BNC2: variants seen among roughly 807,000 people sequenced by gnomAD.
BNC2 encodes zinc finger protein basonuclin-2.
Under a neutral mutation model 76.3 loss-of-function variants are expected in BNC2, and 20 were observed. The observed-to-expected ratio is 0.26, with a 90% CI of 0.18 to 0.38. The LOEUF is 0.38. Ranked by LOEUF, BNC2 falls within the 10% of genes least tolerant of loss-of-function variation. The pLI is 1.00. For missense variants in BNC2, 1,382 were observed against 1,399.8 expected (o/e 0.99, Z 0.20); for synonymous variants, 582 against 514.8 (o/e 1.13, Z -1.77).
chr9:16,591,773 T>C (rs1819936327), intron 3 of BNC2, among the ~76,000 whole-genome samples: 1 of 152,144 alleles, frequency 6.6e-6, no homozygotes, highest in African/African-American at 2.4e-5. Flanking sequence ...TGATGGAAAA[T>C]TATACCTAAA....
chr9:16,462,844 T>A (rs1187351120), intron 5 of BNC2, among the ~76,000 whole-genome samples: 1 of 152,186 alleles, frequency 6.6e-6, no homozygotes. Flanking sequence ...TTATTTAATA[T>A]TATGTCTCTT....
At chr9:16,705,988 T>C (rs1249911559) in intron 3 of BNC2, among the ~76,000 whole-genome samples, 1 of 149,574 alleles carries the variant, frequency 6.7e-6, no homozygotes, top group Non-Finnish European at 1.5e-5. Flanking sequence ...TTATTGCTTG[T>C]GCAGAGAGTT....
chr9:16,451,766 C>T (rs952380015), intron 5 of BNC2, among the ~76,000 whole-genome samples: 1 of 152,200 alleles, frequency 6.6e-6, no homozygotes, highest in African/African-American at 2.4e-5. Flanking sequence ...CAGTGATCTG[C>T]TTATATTTCA....
intron 1 of BNC2, among the ~76,000 whole-genome samples, chr9:16,801,120 A>C (rs868753388): frequency 6.6e-6 from 1 of 152,186 alleles, no homozygotes; most frequent in Non-Finnish European, 1.5e-5. Flanking sequence ...TATATCCCCT[A>C]CACAATTCTC....
intron 1 of BNC2, among the ~76,000 whole-genome samples, chr9:16,780,953 G>T (rs909111536): frequency 1.3e-5 from 2 of 151,760 alleles, no homozygotes; most frequent in African/African-American, 4.8e-5. Context: ...TAACCAAAAA[G>T]AGTACTTAAT....
chr9:16,563,253 G>A (rs1819067957), intron 4 of BNC2, among the ~76,000 whole-genome samples: 1 of 152,102 alleles, frequency 6.6e-6, no homozygotes, highest in Admixed American at 6.5e-5. Context: ...AACTAATACA[G>A]TATTTTTATT....
rs78950081 is a variant in BNC2 at position 16,651,118 on chromosome 9, G to T, written c.331-68033C>A. ...ATAAAGGTAAAGTGTTGTAAGCTAT[G>T]CAAAAAAGAAGGCTTGAATACAGAA... On this transcript the variant is annotated intron_variant, in intron 3 of 6. Transcript: ENST00000380672. Among the ~76,000 whole-genome samples the T allele has an allele frequency of 5.3e-4, 81 of 152,188 alleles. 1 individual carries two copies. Among genetic ancestry groups the T allele is most frequent in the African/African-American group, 1.9e-3 (80 of 41,540 alleles).
chr9:16,742,836 A>G (rs1349322775), intron 1 of BNC2, among the ~76,000 whole-genome samples: 1 of 152,186 alleles, frequency 6.6e-6, no homozygotes, highest in African/African-American at 2.4e-5. Context: ...GGTGCTCAGA[A>G]GTGCAATAAG....
chr9:16,806,625 A>AT (rs1169300636), intron 1 of BNC2, among the ~76,000 whole-genome samples: 1 of 152,180 alleles, frequency 6.6e-6, no homozygotes, highest in Non-Finnish European at 1.5e-5. Flanking sequence ...TCAGAGAAAG[A>AT]CCCAGAAAAA....
chr9:16,580,735 C>T (rs544060513), intron 4 of BNC2, among the ~76,000 whole-genome samples: 12 of 152,050 alleles, frequency 7.9e-5, no homozygotes, highest in Non-Finnish European at 1.3e-4. Context: ...AAAATGAGAG[C>T]GAATAAATGA....
At chr9:16,775,339 G>C (rs963338991) in intron 1 of BNC2, among the ~76,000 whole-genome samples, 1 of 151,734 alleles carries the variant, frequency 6.6e-6, no homozygotes, top group Non-Finnish European at 1.5e-5. Context: ...AGAAGTAGCT[G>C]CTGGCTCCAC....
chr9:16,533,168 T>C (rs1351975176), intron 5 of BNC2, among the ~76,000 whole-genome samples: 2 of 152,228 alleles, frequency 1.3e-5, no homozygotes, highest in Admixed American at 1.3e-4. Context: ...CTTATTTTTA[T>C]GAAGTCTTGT....
chr9:16,485,839 T>C (rs907633463), intron 5 of BNC2, among the ~76,000 whole-genome samples: 4 of 152,056 alleles, frequency 2.6e-5, no homozygotes, highest in Non-Finnish European at 5.9e-5. Flanking sequence ...AAAAAGCATG[T>C]TCCAGGCAGT....
At position 16,793,648 on chromosome 9, in the gene BNC2, C is replaced by CTTTT. The variant is rs71327860; in HGVS notation, c.4-55167_4-55164dup. 3.9e-3 allele frequency among the ~76,000 whole-genome samples: 218 copies of CTTTT among 55,810 alleles called. 6 individuals are homozygous for CTTTT. Among genetic ancestry groups the CTTTT allele is most frequent in the African/African-American group, 5.4e-3 (99 of 18,170 alleles). The allele number at this position is 55,810 out of a possible 152,430, so 36.6% of individuals were successfully genotyped here. On this transcript the variant is annotated intron_variant, in intron 1 of 6. Transcript: ENST00000380672. ...CCAAAGGGGTACTTGCCTTCCACATCTTTTTTTTTTTTTTTTTTTTTTTTT... is the reference window on the plus strand; with the variant it reads ...CCAAAGGGGTACTTGCCTTCCACATCTTTTTTTTTTTTTTTTTTTTTTTTTTTTT...
At chr9:16,775,226 G>A (rs762170226) in intron 1 of BNC2, among the ~76,000 whole-genome samples, 28 of 152,102 alleles carry the variant, frequency 1.8e-4, no homozygotes, top group Non-Finnish European at 3.1e-4. Context: ...AAGTTTAATC[G>A]CTTTTTGAGA....
chr9:16,722,253 C>T (rs549168912), intron 3 of BNC2, among the ~76,000 whole-genome samples: 1 of 152,266 alleles, frequency 6.6e-6, no homozygotes, highest in South Asian at 2.1e-4. Flanking sequence ...GGTTGTGACC[C>T]ATTCACTTCT....
At chr9:16,511,590 G>T (rs1273669732) in intron 5 of BNC2, among the ~76,000 whole-genome samples, 1 of 151,662 alleles carries the variant, frequency 6.6e-6, no homozygotes, top group Admixed American at 6.6e-5. Context: ...ACCATGCCTG[G>T]CTAATTTTTG....
intron 1 of BNC2, among the ~76,000 whole-genome samples, chr9:16,846,165 G>C (rs1375501054): frequency 2.6e-5 from 4 of 151,560 alleles, no homozygotes; most frequent in African/African-American, 9.7e-5. Flanking sequence ...AATTAATTTA[G>C]TATAAAATTA....
intron 5 of BNC2, among the ~76,000 whole-genome samples, chr9:16,530,150 A>G (rs546530364): frequency 6.6e-6 from 1 of 152,004 alleles, no homozygotes; most frequent in East Asian, 1.9e-4. Context: ...CAAAAAAGTG[A>G]AGTGTTTTTT....
Sources: gnomAD v4.1 joint callset for allele counts (sites outside exome capture counted in the v4.1 genomes callset) on GRCh38, gnomAD v4.1.1 for gene constraint, MANE v1.5 for transcripts, NCBI Gene and HGNC (gene_info 2026-07-23, HGNC 2026-07-21) for gene names.